Variants in ZFHX3 observed in about 807,000 individuals in gnomAD.
ZFHX3 encodes the protein zinc finger homeobox 3, also known as zinc finger homeobox protein 3.
ZFHX3 carries 42 observed loss-of-function variants against 279.1 expected under a neutral mutation model. That is an observed-to-expected ratio of 0.15 (90% CI 0.12 to 0.19). The LOEUF is 0.19. Among genes scored for constraint, ZFHX3 ranks in the 10% least tolerant of loss-of-function variants. The probability of loss-of-function intolerance (pLI) is 1.00; values close to 1 mark genes in which losing one functional copy is unlikely to be tolerated. For missense variants in ZFHX3, 4,981 were observed against 4,754.0 expected (o/e 1.05, Z -1.40); for synonymous variants, 2,293 against 1,957.8 (o/e 1.17, Z -4.52).
chr16:72,934,382 C>T (rs762460334), intron 3 of ZFHX3, among the ~76,000 whole-genome samples: 4 of 152,168 alleles, frequency 2.6e-5, no homozygotes, highest in Non-Finnish European at 4.4e-5. Flanking sequence ...GAGCTGAGAT[C>T]ACACCATTGC....
intron 4 of ZFHX3, among the ~76,000 whole-genome samples, chr16:73,272,594 G>T (rs193135960): frequency 2.0e-5 from 3 of 152,122 alleles, no homozygotes; most frequent in African/African-American, 7.2e-5. Flanking sequence ...AAACACAACC[G>T]CTGCCCTCAA....
chr16:73,842,791 G>A (rs1012852353), intron 1 of ZFHX3, among the ~76,000 whole-genome samples: 2 of 152,134 alleles, frequency 1.3e-5, no homozygotes, highest in Admixed American at 6.5e-5. Flanking sequence ...GTAGATACCC[G>A]ACTTTGTTTC....
intron 1 of ZFHX3, among the ~76,000 whole-genome samples, chr16:73,855,493 G>GT (rs1474994963): frequency 6.6e-6 from 1 of 150,490 alleles, no homozygotes; most frequent in Non-Finnish European, 1.5e-5. Flanking sequence ...GTAACACGGG[G>GT]TTTTTTCCAG....
intron 1 of ZFHX3, among the ~76,000 whole-genome samples, chr16:73,747,796 A>T (rs1373902499): frequency 3.3e-5 from 5 of 152,160 alleles, no homozygotes; most frequent in Admixed American, 3.3e-4. Flanking sequence ...TCAACCAAAC[A>T]CGCACACACA....
upstream of ZFHX3, among the ~76,000 whole-genome samples, chr16:73,049,827 G>C (rs1965416494): frequency 6.6e-6 from 1 of 152,122 alleles, no homozygotes. Flanking sequence ...AGAACAGGTG[G>C]TGTTTTCAAA....
chr16:72,871,283 C>T (rs1488496614), intron 4 of ZFHX3, among the ~76,000 whole-genome samples: 1 of 151,670 alleles, frequency 6.6e-6, no homozygotes, highest in Non-Finnish European at 1.5e-5. Flanking sequence ...TCAAGCGATT[C>T]TCCTGCCTCT....
rs946791403 is a variant in ZFHX3, at chr16:73,596,849, T to A, written c.-1547+83331A>T. On this transcript the variant is annotated intron_variant, in intron 2 of 17. Transcript: ENST00000641206. ...CTTAGTGTCTAGCAGACAATAAATA[T>A]GTGCTGTACAAATGAAGAAATGAAT... is the stretch of plus-strand genomic sequence containing the variant. Among the ~76,000 whole-genome samples, 4 of 152,190 alleles carry A rather than the reference T, an allele frequency of 2.6e-5. No individual in the cohort carries two copies. In the East Asian group the frequency reaches 7.7e-4, roughly 29 times the overall value.
At chr16:72,983,531 AC>A (rs1473217601) in intron 1 of ZFHX3, among the ~76,000 whole-genome samples, 6 of 151,722 alleles carry the variant, frequency 4.0e-5, no homozygotes, top group Non-Finnish European at 7.4e-5. Context: ...ACATAGTAAG[AC>A]CCCCATCTCT....
At chr16:72,887,580 G>A (rs2038659392) in intron 4 of ZFHX3, among the ~76,000 whole-genome samples, 1 of 151,540 alleles carries the variant, frequency 6.6e-6, no homozygotes, top group African/African-American at 2.4e-5. Flanking sequence ...GTGCGGGGCA[G>A]TGCCTGTGTA....
chr16:72,913,757 C>T (rs1392206823), intron 3 of ZFHX3, among the ~76,000 whole-genome samples: 1 of 152,180 alleles, frequency 6.6e-6, no homozygotes, highest in Non-Finnish European at 1.5e-5. Flanking sequence ...AAGAGATAAA[C>T]TTCTCTTTAT....
chr16:73,734,953 A>G (rs1277840168), intron 1 of ZFHX3, among the ~76,000 whole-genome samples: 14 of 152,244 alleles, frequency 9.2e-5, no homozygotes, highest in Admixed American at 9.2e-4. Context: ...AGGAGGAATG[A>G]TATTTTCAAA....
intron 5 of ZFHX3, among the ~76,000 whole-genome samples, chr16:73,186,881 T>C (rs1473276705): frequency 2.0e-5 from 3 of 152,190 alleles, no homozygotes; most frequent in African/African-American, 7.2e-5. Context: ...TTGGTTCAAT[T>C]AAGCCTAAGA....
At position 72,793,607 on chromosome 16, in the gene ZFHX3, C is replaced by G. The variant is rs770771432; in HGVS notation, c.9075G>C (p.Glu3025Asp). 7.4e-6 allele frequency: 12 copies of G among 1,614,076 alleles called. No homozygotes were observed. The highest frequency in any genetic ancestry group is 1.3e-5 in the African/African-American group (1 of 74,930). Residue 3025 changes from glutamate (E) to aspartate (D), a missense_variant, in exon 9 of 10, where the codon GAG becomes GAC. Physicochemically the swap from Glu to Asp is conservative, Grantham distance 45 (BLOSUM62 2). Transcript: ENST00000268489. This position sits in a 1 kb window ranked among gnomAD's most constrained non-coding sequence, Gnocchi z 4.3. ...NQTSYEGPKT[E>D]CTLCGIKYSA... is the part of the protein sequence containing the mutation. ...TGTACTTGATGCCACACAAAGTGCA[C>G]TCTGTTTTGGGTCCCTCATAACTCG...
rs933046869 is a variant in ZFHX3 at position 72,958,090 on chromosome 16, G to A, written c.2056C>T (p.Leu686=). Residue 686 remains leucine, a synonymous_variant, in exon 2 of 10, where the codon CTG becomes TTG. Transcript: ENST00000268489. ...CNWHYKYQQT[L]EAHMKEKHPE... is the part of the protein sequence containing the mutation. ...TGCTTCTCCTTCATGTGTGCCTCCAGGGTCTGCTGGTACTTATAGTGCCAG... is the reference window on the plus strand; with the variant it reads ...TGCTTCTCCTTCATGTGTGCCTCCAAGGTCTGCTGGTACTTATAGTGCCAG... 6.2e-7 allele frequency: 1 copy of A among 1,614,104 alleles called. No individual in the cohort carries two copies. Among genetic ancestry groups the A allele is most frequent in the Non-Finnish European group, 8.5e-7 (1 of 1,180,032 alleles).
chr16:73,020,867 C>G (rs1964274173), intron 1 of ZFHX3, among the ~76,000 whole-genome samples: 1 of 152,064 alleles, frequency 6.6e-6, no homozygotes, highest in Non-Finnish European at 1.5e-5. Context: ...CATCCCGCCC[C>G]CCCAATACTC....
At chr16:72,937,297 G>T (rs892430405) in intron 3 of ZFHX3, among the ~76,000 whole-genome samples, 1 of 152,134 alleles carries the variant, frequency 6.6e-6, no homozygotes, top group Non-Finnish European at 1.5e-5. Context: ...AAAAAGAAGG[G>T]GCTCTGGGAC....
rs116230467 is a variant in ZFHX3, at chr16:73,271,690, A to T, written c.-1193-14554T>A. The stretch of plus-strand genomic sequence containing the variant: ...GATGGTTAAGTTTCTGCTGCAGGCC[A>T]GGAGCATGGCAGGTGCCTGACAAAG... On this transcript the variant is annotated intron_variant, in intron 4 of 17. Transcript: ENST00000641206. Among the ~76,000 whole-genome samples, 566 of 152,376 alleles carry T rather than the reference A, an allele frequency of 3.7e-3. 1 individual carries two copies. Among genetic ancestry groups the T allele is most frequent in the African/African-American group, 0.013 (535 of 41,596 alleles).
At chr16:73,255,370 C>A (rs1051172896) in intron 5 of ZFHX3, among the ~76,000 whole-genome samples, 1 of 152,204 alleles carries the variant, frequency 6.6e-6, no homozygotes, top group Non-Finnish European at 1.5e-5. Context: ...AAGCCCACAT[C>A]CATCCCCAGC....
chr16:73,832,447 A>G (rs946177859), intron 1 of ZFHX3, among the ~76,000 whole-genome samples: 8 of 152,244 alleles, frequency 5.3e-5, no homozygotes, highest in Non-Finnish European at 7.3e-5. Context: ...AGACTGAAAA[A>G]AGCATAAGAC....
Sources: allele counts gnomAD v4.1 joint callset (sites outside exome capture counted in the v4.1 genomes callset), GRCh38; gene constraint gnomAD v4.1.1; non-coding constraint Gnocchi (gnomAD v3.1); transcripts MANE v1.5; gene names NCBI Gene and HGNC (gene_info 2026-07-23, HGNC 2026-07-21).